TBX15: variants seen among roughly 807,000 people sequenced by gnomAD.
TBX15 encodes the protein T-box transcription factor 15, also known as T-box transcription factor TBX15.
In TBX15, 18 loss-of-function variants were observed where a neutral mutation model predicts 53.9. The observed-to-expected ratio is 0.33, with a 90% confidence interval of 0.23 to 0.49. The LOEUF (loss-of-function observed/expected upper bound fraction) is 0.49, where lower values mean the gene tolerates loss of function less well. Ranked by LOEUF, TBX15 falls within the 20% of genes least tolerant of loss-of-function variation. The pLI is 0.98. For synonymous variants in TBX15, 295 were observed against 278.0 expected (o/e 1.06, Z -0.61); for missense variants, 692 against 749.5 (o/e 0.92, Z 0.90).
At chr1:118,970,080 T>C (rs1318660215) in intron 1 of TBX15, among the ~76,000 whole-genome samples, 2 of 152,232 alleles carry the variant, frequency 1.3e-5, no homozygotes, top group African/African-American at 4.8e-5. Context: ...TGTGAAGACA[T>C]GCTGGCTTCC....
intron 6 of TBX15, among the ~76,000 whole-genome samples, chr1:118,906,637 C>A (rs1296394308): frequency 6.6e-6 from 1 of 152,174 alleles, no homozygotes; most frequent in Non-Finnish European, 1.5e-5. Context: ...TTTTCTCCAC[C>A]TCCCCTAGAC....
At chr1:118,896,432 G>T (rs1654425693) in intron 7 of TBX15, among the ~76,000 whole-genome samples, 1 of 152,084 alleles carries the variant, frequency 6.6e-6, no homozygotes, top group East Asian at 1.9e-4. Context: ...GGCAGCCAAG[G>T]CAGGATGAAA....
At chr1:118,981,804 AC>A (rs1300489609) in intron 1 of TBX15, among the ~76,000 whole-genome samples, 3 of 152,240 alleles carry the variant, frequency 2.0e-5, no homozygotes, top group Admixed American at 2.0e-4. Flanking sequence ...TGTAAACAGG[AC>A]CCTAATTTAT....
chr1:118,917,076 C>T (rs1338450402), intron 5 of TBX15, among the ~76,000 whole-genome samples: 4 of 151,986 alleles, frequency 2.6e-5, no homozygotes, highest in Non-Finnish European at 5.9e-5. Flanking sequence ...TGGATATATA[C>T]CCAAATAAAT....
chr1:118,922,856 T>A (rs556523603), intron 5 of TBX15, among the ~76,000 whole-genome samples: 1 of 152,200 alleles, frequency 6.6e-6, no homozygotes, highest in African/African-American at 2.4e-5. Flanking sequence ...GGCAGTAGAA[T>A]GTTTGTTCTT....
intron 6 of TBX15, among the ~76,000 whole-genome samples, chr1:118,911,740 G>A (rs534496171): frequency 3.9e-5 from 6 of 152,254 alleles, no homozygotes; most frequent in Middle Eastern, 3.4e-3. Context: ...CAGGGGTCAC[G>A]CCTTGTAGCC....
rs557536386 is a variant in TBX15 at position 118,909,337 on chromosome 1, GC to G, written c.926+4777del. 3.0e-4 allele frequency among the ~76,000 whole-genome samples: 46 copies of G among 152,068 alleles called. No individual in the cohort carries two copies. The Middle Eastern group carries it at 0.024, about 80-fold the overall frequency. ...GCTGGCTTGAACTCCTCTGAAATAA[GC>G]TGATGCCCCAGAAATGTAGGCCTCC... On this transcript the variant is annotated intron_variant, in intron 6 of 7. Transcript: ENST00000369429.
chr1:118,945,777 G>A (rs1656329583), intron 1 of TBX15, among the ~76,000 whole-genome samples: 1 of 152,184 alleles, frequency 6.6e-6, no homozygotes, highest in African/African-American at 2.4e-5. Context: ...ATGCATCACT[G>A]GAGTTTAAAG....
chr1:118,973,733 A>C (rs545951213), intron 1 of TBX15, among the ~76,000 whole-genome samples: 3 of 152,016 alleles, frequency 2.0e-5, no homozygotes, highest in African/African-American at 7.2e-5. Flanking sequence ...AGTTCTCCAT[A>C]ACACCCCTCA....
chr1:118,932,459 TG>T (rs146262269), intron 1 of TBX15, among the ~76,000 whole-genome samples: 1,936 of 152,144 alleles, frequency 0.013, 37 homozygotes, highest in African/African-American at 0.042. Flanking sequence ...CCATTTTGGA[TG>T]GGAAAAAAAC....
intron 6 of TBX15, among the ~76,000 whole-genome samples, chr1:118,903,741 T>C (rs1335106484): frequency 6.6e-6 from 1 of 152,110 alleles, no homozygotes; most frequent in Non-Finnish European, 1.5e-5. Context: ...TAATACTAAG[T>C]TCAGGAAATA....
At chr1:118,931,082 A>G (rs1042995873) in intron 2 of TBX15, among the ~76,000 whole-genome samples, 2 of 152,198 alleles carry the variant, frequency 1.3e-5, no homozygotes, top group African/African-American at 4.8e-5. Flanking sequence ...AAATTTTGTA[A>G]TCCTAGAAAA....
intron 7 of TBX15, among the ~76,000 whole-genome samples, chr1:118,891,733 A>G (rs1456985114): frequency 6.6e-6 from 1 of 152,214 alleles, no homozygotes; most frequent in East Asian, 1.9e-4. Context: ...GCATGTTTAT[A>G]CCATGGGGAA....
At chr1:118,959,414 T>C (rs536110541) in intron 1 of TBX15, among the ~76,000 whole-genome samples, 1 of 152,208 alleles carries the variant, frequency 6.6e-6, no homozygotes, top group African/African-American at 2.4e-5. Flanking sequence ...GTACAAGGTG[T>C]TTCAGGCCTG....
chr1:118,985,860 T>G (rs1657813953), intron 1 of TBX15, among the ~76,000 whole-genome samples: 2 of 152,188 alleles, frequency 1.3e-5, no homozygotes. Flanking sequence ...CTGGAATGGT[T>G]TCTTTTTGCC....
chr1:118,980,291 G>A (rs1166534563), intron 1 of TBX15, among the ~76,000 whole-genome samples: 1 of 152,128 alleles, frequency 6.6e-6, no homozygotes, highest in Non-Finnish European at 1.5e-5. Context: ...GCGGTGAGGG[G>A]ATTCGGAAAA....
intron 1 of TBX15, among the ~76,000 whole-genome samples, chr1:118,937,500 A>G (rs1456231278): frequency 6.6e-6 from 1 of 152,174 alleles, no homozygotes; most frequent in Admixed American, 6.6e-5. Context: ...CAGACTATGA[A>G]TTCCATAAGC....
intron 3 of TBX15, 52 bp downstream of exon 3, chr1:118,926,458 G>A (rs1655597739): frequency 1.3e-6 from 2 of 1,491,750 alleles, no homozygotes; most frequent in South Asian, 1.1e-5. Context: ...TTGAAGAATT[G>A]TCTTGGAATG....
At chr1:118,906,392 G>A (rs993680498) in intron 6 of TBX15, among the ~76,000 whole-genome samples, 1 of 152,186 alleles carries the variant, frequency 6.6e-6, no homozygotes, top group Non-Finnish European at 1.5e-5. Context: ...AAACAAACTG[G>A]CCCTGGGATT....
Sources: allele counts gnomAD v4.1 joint callset (sites outside exome capture counted in the v4.1 genomes callset), GRCh38; gene constraint gnomAD v4.1.1; transcripts MANE v1.5; gene names NCBI Gene and HGNC (gene_info 2026-07-23, HGNC 2026-07-21).